Variants in PLCB1 observed in about 807,000 individuals in gnomAD.
The protein encoded by PLCB1 is 1-phosphatidylinositol 4,5-bisphosphate phosphodiesterase beta-1.
Under a neutral mutation model 161.8 loss-of-function variants are expected in PLCB1, and 46 were observed. The observed-to-expected ratio is 0.28, with a 90% CI of 0.22 to 0.36. The LOEUF (loss-of-function observed/expected upper bound fraction) is 0.36. PLCB1 is among the 10% of genes least tolerant of loss of function. The pLI is 1.00. For synonymous variants in PLCB1, 517 were observed against 503.7 expected, an observed-to-expected ratio of 1.03 and a Z score of -0.35; for missense variants, 1,016 against 1,472.5, an observed-to-expected ratio of 0.69 and a Z score of 5.07.
chr20:8,671,236 T>C (rs973998870), intron 9 of PLCB1, among the ~76,000 whole-genome samples: 1 of 152,226 alleles, frequency 6.6e-6, no homozygotes, highest in Non-Finnish European at 1.5e-5. Flanking sequence ...GATTTTTCTG[T>C]GCTGCAGAGC....
At position 8,169,683 on chromosome 20, in the gene PLCB1, T is replaced by A. The variant is rs563864930; in HGVS notation, c.177+19312T>A. On this transcript the variant is annotated intron_variant, in intron 2 of 31. Coordinates refer to ENST00000338037, the MANE Select transcript of PLCB1 (RefSeq NM_015192.4). ...GCAGATAAATCCCTGATTGGACAAC[T>A]ATCTAAGAGTTAGTAGATCCACTCA... 2.0e-5 allele frequency among the ~76,000 whole-genome samples: 3 copies of A among 152,236 alleles called. No homozygotes were observed. The South Asian group carries it at 6.2e-4, about 32-fold the overall frequency.
intron 3 of PLCB1, among the ~76,000 whole-genome samples, chr20:8,541,219 A>G (rs1255043473): frequency 3.9e-5 from 6 of 152,184 alleles, no homozygotes; most frequent in Non-Finnish European, 1.5e-5. Context: ...GGGTTTCAAC[A>G]TATAGTAGCT....
rs140078371 is a variant in PLCB1 at position 8,513,819 on chromosome 20, G to A, written c.247-114475G>A. On this transcript the variant is annotated intron_variant, in intron 3 of 31. Coordinates refer to ENST00000338037, the MANE Select transcript of PLCB1 (RefSeq NM_015192.4). Reference sequence around the variant, plus strand: ...GAGCTCAGGAGTTCAAGACCAGCCTGGGCAAAATAGTAAGACCTCTGTCTC... The same window carrying A: ...GAGCTCAGGAGTTCAAGACCAGCCTAGGCAAAATAGTAAGACCTCTGTCTC... Among the ~76,000 whole-genome samples, 28 of 152,008 alleles carry A rather than the reference G, an allele frequency of 1.8e-4. No individual in the cohort carries two copies. The East Asian group carries it at 5.4e-3, about 29-fold the overall frequency.
chr20:8,250,691 A>G lies in PLCB1; in HGVS notation c.177+100320A>G, dbSNP rs139159888. Among the ~76,000 whole-genome samples the G allele has an allele frequency of 7.9e-5, 12 of 152,048 alleles. No homozygotes were observed. The East Asian group carries it at 2.3e-3, about 30-fold the overall frequency. On this transcript the variant is annotated intron_variant, in intron 2 of 31. Transcript: ENST00000338037. ...CTTCCTTTCTGTCTGTCAGTTAGCAAATATTTATTAAGCCCCAACAATATA... is the reference window on the plus strand; with the variant it reads ...CTTCCTTTCTGTCTGTCAGTTAGCAGATATTTATTAAGCCCCAACAATATA...
intron 2 of PLCB1, among the ~76,000 whole-genome samples, chr20:8,169,631 T>C (rs1210310051): frequency 6.6e-6 from 1 of 152,148 alleles, no homozygotes; most frequent in Non-Finnish European, 1.5e-5. Flanking sequence ...TGCCAGTGTC[T>C]CAGGTTGCAG....
At chr20:8,565,804 C>T (rs991555226) in intron 3 of PLCB1, among the ~76,000 whole-genome samples, 7 of 152,056 alleles carry the variant, frequency 4.6e-5, no homozygotes, top group African/African-American at 1.4e-4. Context: ...TTTCCTCCTT[C>T]ATGATACCTG....
At chr20:8,639,499 C>T (rs116247533) in intron 4 of PLCB1, among the ~76,000 whole-genome samples, 282 of 152,330 alleles carry the variant, frequency 1.9e-3, no homozygotes, top group African/African-American at 6.5e-3. Flanking sequence ...TAGCTCTAGC[C>T]TTTCCATTTA....
At chr20:8,640,920 C>T (rs76387571) in intron 4 of PLCB1, among the ~76,000 whole-genome samples, 20,193 of 152,116 alleles carry the variant, frequency 0.13, 1,648 homozygotes, top group Non-Finnish European at 0.17. Context: ...CATTTCACCA[C>T]GTTAAACTTT....
intron 2 of PLCB1, among the ~76,000 whole-genome samples, chr20:8,152,631 A>AGAGCGGAGG (rs2051520852): frequency 6.6e-6 from 1 of 151,776 alleles, no homozygotes; most frequent in African/African-American, 2.4e-5. Context: ...ATAATCTCTC[A>AGAGCGGAGG]GAAAACAAAA....
chr20:8,566,997 A>G (rs1160790688), intron 3 of PLCB1, among the ~76,000 whole-genome samples: 1 of 152,188 alleles, frequency 6.6e-6, no homozygotes, highest in East Asian at 1.9e-4. Flanking sequence ...AGAAGGAAAT[A>G]TAACAGAACT....
intron 15 of PLCB1, 24 bp downstream of exon 15, chr20:8,722,445 C>T (rs1322782654): frequency 6.4e-7 from 1 of 1,569,666 alleles, no homozygotes; most frequent in South Asian, 1.1e-5. Flanking sequence ...GCTTCTGGTC[C>T]CTAAGGCATT....
intron 2 of PLCB1, among the ~76,000 whole-genome samples, chr20:8,340,337 C>T (rs950996109): frequency 1.3e-5 from 2 of 152,118 alleles, no homozygotes; most frequent in Non-Finnish European, 2.9e-5. Flanking sequence ...GATGAGGATT[C>T]GATTTTAAGG....
chr20:8,781,850 G>T (rs1293483823), intron 27 of PLCB1, among the ~76,000 whole-genome samples: 1 of 152,110 alleles, frequency 6.6e-6, no homozygotes, highest in Non-Finnish European at 1.5e-5. Flanking sequence ...GCTATCACAA[G>T]AACAGCACAG....
intron 3 of PLCB1, among the ~76,000 whole-genome samples, chr20:8,380,344 C>T (rs998770427): frequency 2.8e-4 from 42 of 152,136 alleles, no homozygotes; most frequent in African/African-American, 8.7e-4. Context: ...GTTTCGGTTA[C>T]TGTAGTATTG....
At chr20:8,844,220 C>T (rs1004814570) in intron 31 of PLCB1, among the ~76,000 whole-genome samples, 1 of 152,202 alleles carries the variant, frequency 6.6e-6, no homozygotes, top group Non-Finnish European at 1.5e-5. Context: ...CTGCCGTTGT[C>T]CTTTTGTTTG....
At chr20:8,380,345 T>C (rs1235630226) in intron 3 of PLCB1, among the ~76,000 whole-genome samples, 1 of 152,238 alleles carries the variant, frequency 6.6e-6, no homozygotes, top group East Asian at 1.9e-4. Context: ...TTTCGGTTAC[T>C]GTAGTATTGT....
At chr20:8,612,775 C>T (rs1465209332) in intron 3 of PLCB1, among the ~76,000 whole-genome samples, 1 of 152,182 alleles carries the variant, frequency 6.6e-6, no homozygotes, top group Admixed American at 6.5e-5. Context: ...CACAGCCATA[C>T]TTCTTTCTAT....
intron 2 of PLCB1, among the ~76,000 whole-genome samples, chr20:8,307,530 T>C (rs944618865): frequency 6.6e-6 from 1 of 151,736 alleles, no homozygotes; most frequent in Non-Finnish European, 1.5e-5. Flanking sequence ...TTGGTGGGGG[T>C]TTTTTTTGTT....
Position 8,690,965 on chromosome 20 carries a change from G to T in PLCB1, c.1009+5887G>T, listed in dbSNP as rs79971890. Among the ~76,000 whole-genome samples, 408 of 152,216 alleles carry T rather than the reference G, an allele frequency of 2.7e-3. 2 individuals carry two copies. The highest frequency in any genetic ancestry group is 9.3e-3 in the African/African-American group (386 of 41,530). ...ATCTACATTCTCACAGTATTACCTT[G>T]CCCCAGTACCAGCCATTTATTTTCC... On this transcript the variant is annotated intron_variant, in intron 10 of 31. Transcript: ENST00000338037.
Sources: allele counts gnomAD v4.1 joint callset (sites outside exome capture counted in the v4.1 genomes callset), GRCh38; gene constraint gnomAD v4.1.1; transcripts MANE v1.5; gene names NCBI Gene and HGNC (gene_info 2026-07-23, HGNC 2026-07-21).